The following ARHGEF3 variants were observed in gnomAD, a reference collection of about 807,000 sequenced individuals.
The protein encoded by ARHGEF3 is 59.8 kDA protein.
Under a neutral mutation model 63.2 loss-of-function variants are expected in ARHGEF3, and 28 were observed. That is an observed-to-expected ratio of 0.44 (90% CI 0.33 to 0.61). ARHGEF3 has a LOEUF of 0.61. ARHGEF3 is among the 20% of genes least tolerant of loss of function. The pLI is 0.03. For synonymous variants in ARHGEF3, 266 were observed against 254.2 expected (o/e 1.05, Z -0.44); for missense variants, 533 against 659.3 (o/e 0.81, Z 2.10).
chr3:57,051,799 A>C (rs1481560399), intron 1 of ARHGEF3, among the ~76,000 whole-genome samples: 1 of 151,724 alleles, frequency 6.6e-6, no homozygotes, highest in Non-Finnish European at 1.5e-5. Context: ...CCCTGTCTCT[A>C]TTAAAAATAG....
chr3:56,777,768 T>C (rs1298253310), intron 1 of ARHGEF3, among the ~76,000 whole-genome samples: 2 of 152,102 alleles, frequency 1.3e-5, no homozygotes, highest in African/African-American at 2.4e-5. Flanking sequence ...TCTACCCCTA[T>C]TGAGCCTCAA....
chr3:56,789,310 C>T (rs1274391355), intron 1 of ARHGEF3, among the ~76,000 whole-genome samples: 1 of 152,176 alleles, frequency 6.6e-6, no homozygotes, highest in Non-Finnish European at 1.5e-5. Context: ...AGTGTAATCT[C>T]ACCCAATCCT....
Position 56,756,938 on chromosome 3 carries a change from C to G in ARHGEF3, c.205-1787G>C, listed in dbSNP as rs1318931486. Among the ~76,000 whole-genome samples the G allele has an allele frequency of 3.9e-5, 6 of 152,148 alleles. No homozygotes were observed. The East Asian group carries it at 1.2e-3, about 29-fold the overall frequency. On this transcript the variant is annotated intron_variant, in intron 2 of 9. Transcript: ENST00000296315. ...TCACCAACATTCTCCCATCCTCCTC[C>G]CCCAGAGCAATTCAGACATACTTCT...
At position 56,751,416 on chromosome 3, in the gene ARHGEF3, G is replaced by A; in HGVS notation, c.439-20C>T. 6.3e-7 allele frequency: 1 copy of A among 1,587,706 alleles called. No homozygotes were observed. The highest frequency in any genetic ancestry group is 8.6e-7 in the Non-Finnish European group (1 of 1,156,250). ...ATAGGCCTGCACAAAAACGGCAAGA[G>A]ATGGAAGCACATGTTTAAAATCAGA... On this transcript the variant is annotated intron_variant, in intron 4 of 9. Coordinates refer to ENST00000296315, the MANE Select transcript of ARHGEF3 (RefSeq NM_019555.3).
chr3:56,991,525 T>C (rs754959326), intron 2 of ARHGEF3, among the ~76,000 whole-genome samples: 1 of 152,212 alleles, frequency 6.6e-6, no homozygotes, highest in African/African-American at 2.4e-5. Context: ...TTGTTAAAGA[T>C]TGATAAATTT....
intron 1 of ARHGEF3, chr3:56,775,800 GCACACACACA>G: frequency 4.7e-6 from 1 of 213,562 alleles, no homozygotes; most frequent in Middle Eastern, 2.5e-3. Context: ...ACACGCGCAA[GCACACACACA>G]CACACACACA....
intron 2 of ARHGEF3, among the ~76,000 whole-genome samples, chr3:57,002,207 G>A (rs925368078): frequency 2.0e-5 from 3 of 150,946 alleles, no homozygotes; most frequent in Admixed American, 6.6e-5. Flanking sequence ...CACCGGGCCC[G>A]GCTGACATAG....
chr3:56,967,670 A>C (rs1700615059), intron 2 of ARHGEF3, among the ~76,000 whole-genome samples: 1 of 82,608 alleles, frequency 1.2e-5, no homozygotes, highest in Non-Finnish European at 2.0e-5. Context: ...ATTATATATA[A>C]TACTTATTAT....
intron 2 of ARHGEF3, among the ~76,000 whole-genome samples, 161 bp downstream of exon 2, chr3:56,773,548 A>G (rs531934563): frequency 1.1e-4 from 17 of 152,322 alleles, no homozygotes; most frequent in African/African-American, 3.6e-4. Flanking sequence ...CAACTTGAAA[A>G]ACATCTTTCT....
chr3:56,902,910 A>T (rs1420757998), intron 3 of ARHGEF3, among the ~76,000 whole-genome samples: 1 of 152,160 alleles, frequency 6.6e-6, no homozygotes, highest in African/African-American at 2.4e-5. Context: ...TTCACTGAGG[A>T]CCCAAGTAGC....
Position 57,016,036 on chromosome 3 carries a change from C to T in ARHGEF3, c.62+19052G>A, listed in dbSNP as rs114474134. 2.2e-3 allele frequency among the ~76,000 whole-genome samples: 334 copies of T among 152,226 alleles called. 2 individuals are homozygous for T. The highest frequency in any genetic ancestry group is 6.8e-3 in the Middle Eastern group (2 of 294). On this transcript the variant is annotated intron_variant, in intron 2 of 12. Coordinates refer to the ARHGEF3 transcript ENST00000338458. ...CCAGCAGGAAGTTCACAGAGCAGAC[C>T]ATGCCCCTACAGGACCCTAGTGGCA...
At chr3:56,778,225 A>G (rs539225562) in intron 1 of ARHGEF3, among the ~76,000 whole-genome samples, 4 of 152,228 alleles carry the variant, frequency 2.6e-5, no homozygotes, top group South Asian at 4.1e-4. Flanking sequence ...CCTACTAACA[A>G]CCTCACAAGG....
At chr3:56,792,514 C>T (rs2037138737) in intron 1 of ARHGEF3, among the ~76,000 whole-genome samples, 1 of 152,214 alleles carries the variant, frequency 6.6e-6, no homozygotes, top group African/African-American at 2.4e-5. Context: ...AACCATCAGA[C>T]TTCAAGCTCC....
intron 1 of ARHGEF3, among the ~76,000 whole-genome samples, chr3:57,041,739 T>C (rs1246986895): frequency 6.6e-6 from 1 of 152,116 alleles, no homozygotes; most frequent in African/African-American, 2.4e-5. Flanking sequence ...ACAGTCAGAG[T>C]TGTCCTCCAG....
intron 1 of ARHGEF3, among the ~76,000 whole-genome samples, chr3:57,042,685 TATATA>T: frequency 2.8e-5 from 1 of 35,356 alleles, no homozygotes; most frequent in East Asian, 7.9e-4. Flanking sequence ...TATATATATA[TATATA>T]TATATATATA....
intron 4 of ARHGEF3, among the ~76,000 whole-genome samples, chr3:56,849,809 G>C (rs1313609464): frequency 6.6e-6 from 1 of 152,106 alleles, no homozygotes; most frequent in Admixed American, 6.6e-5. Context: ...CTAGAATTTA[G>C]AGAACAATGC....
At chr3:56,892,303 T>C (rs1339804836) in intron 3 of ARHGEF3, among the ~76,000 whole-genome samples, 2 of 152,104 alleles carry the variant, frequency 1.3e-5, no homozygotes, top group Non-Finnish European at 2.9e-5. Flanking sequence ...AAGGAGTCCA[T>C]ATTCACAAGG....
chr3:56,740,182 G>C (rs1314464653), intron 7 of ARHGEF3, among the ~76,000 whole-genome samples: 1 of 125,574 alleles, frequency 8.0e-6, no homozygotes, highest in East Asian at 2.5e-4. Flanking sequence ...ACAGGCATGA[G>C]CCACCATGCC....
intron 4 of ARHGEF3, among the ~76,000 whole-genome samples, chr3:56,875,806 G>C (rs1181929163): frequency 6.6e-6 from 1 of 152,232 alleles, no homozygotes; most frequent in Non-Finnish European, 1.5e-5. Context: ...CCTTGTGCCA[G>C]GTGCTAGGGA....
Sources: allele counts gnomAD v4.1 joint callset (sites outside exome capture counted in the v4.1 genomes callset), GRCh38; gene constraint gnomAD v4.1.1; transcripts MANE v1.5; gene names NCBI Gene and HGNC (gene_info 2026-07-23, HGNC 2026-07-21).